The following CSMD1 variants were observed in gnomAD, a reference collection of about 807,000 sequenced individuals.
The protein encoded by CSMD1 is CUB and Sushi multiple domains 1.
A neutral mutation model predicts 417.5 loss-of-function variants in CSMD1; 213 were observed. The ratio of observed to expected loss-of-function variants is 0.51; its 90% CI spans 0.46 to 0.57. The LOEUF is 0.57. Ranked by LOEUF, CSMD1 falls within the 20% of genes least tolerant of loss-of-function variation. The pLI is 0.00. For missense variants in CSMD1, 6,923 were observed against 4,529.7 expected (o/e 1.53, Z -15.17); for synonymous variants, 2,862 against 1,736.8 (o/e 1.65, Z -16.11).
intron 3 of CSMD1, among the ~76,000 whole-genome samples, chr8:4,133,297 T>A (rs897289502): frequency 6.6e-6 from 1 of 152,224 alleles, no homozygotes; most frequent in Non-Finnish European, 1.5e-5. Flanking sequence ...CTTAAAAGTC[T>A]AAGTTTATAC....
intron 3 of CSMD1, among the ~76,000 whole-genome samples, chr8:4,153,738 G>T (rs1301158045): frequency 6.6e-6 from 1 of 152,212 alleles, no homozygotes; most frequent in Non-Finnish European, 1.5e-5. Flanking sequence ...AGTGGGCACG[G>T]TTTCAGTGTG....
At chr8:3,872,543 C>G (rs935253597) in intron 5 of CSMD1, among the ~76,000 whole-genome samples, 4 of 152,194 alleles carry the variant, frequency 2.6e-5, no homozygotes, top group Admixed American at 2.0e-4. Flanking sequence ...AAAGGCTGAT[C>G]TCAAGAACTG....
intron 8 of CSMD1, among the ~76,000 whole-genome samples, chr8:3,611,483 C>T (rs751330597): frequency 6.6e-6 from 1 of 152,030 alleles, no homozygotes; most frequent in Non-Finnish European, 1.5e-5. Context: ...ATTGGAGTAT[C>T]TCTCACTTAT....
At chr8:3,365,833 G>A (rs1462773394) in intron 20 of CSMD1, among the ~76,000 whole-genome samples, 1 of 152,166 alleles carries the variant, frequency 6.6e-6, no homozygotes, top group Non-Finnish European at 1.5e-5. Context: ...CAAGGATTAG[G>A]GGTGTCGATC....
chr8:4,165,175 C>T (rs533395706), intron 3 of CSMD1, among the ~76,000 whole-genome samples: 1 of 152,090 alleles, frequency 6.6e-6, no homozygotes, highest in Non-Finnish European at 1.5e-5. Flanking sequence ...GATACCTACG[C>T]CTAGCCAGTA....
intron 7 of CSMD1, among the ~76,000 whole-genome samples, chr8:3,665,310 G>C (rs1798629414): frequency 6.6e-6 from 1 of 152,072 alleles, no homozygotes; most frequent in Non-Finnish European, 1.5e-5. Flanking sequence ...TGGGCGGATG[G>C]CCTGAGGTCA....
intron 57 of CSMD1, among the ~76,000 whole-genome samples, chr8:2,972,089 T>C (rs770840265): frequency 2.0e-5 from 3 of 152,058 alleles, no homozygotes; most frequent in Non-Finnish European, 4.4e-5. Flanking sequence ...CATTCCTATA[T>C]TAATATTTAG....
chr8:3,581,243 T>C (rs1800370449), intron 9 of CSMD1, among the ~76,000 whole-genome samples: 2 of 152,216 alleles, frequency 1.3e-5, no homozygotes, highest in South Asian at 4.1e-4. Flanking sequence ...AAAAATCTAC[T>C]GCCAGTTAAA....
chr8:3,930,671 C>G (rs1247444658), intron 5 of CSMD1, among the ~76,000 whole-genome samples: 1 of 150,108 alleles, frequency 6.7e-6, no homozygotes, highest in African/African-American at 2.5e-5. Context: ...ACTGTCATGG[C>G]AAAACTGCTG....
chr8:3,848,013 T>C (rs1284188569), intron 5 of CSMD1, among the ~76,000 whole-genome samples: 2 of 151,980 alleles, frequency 1.3e-5, no homozygotes, highest in Non-Finnish European at 2.9e-5. Context: ...GATGGGGCAC[T>C]TCTTTCCTGA....
intron 5 of CSMD1, among the ~76,000 whole-genome samples, chr8:3,766,185 G>C (rs11774173): frequency 0.2 from 30,764 of 152,180 alleles, 3,502 homozygotes; most frequent in South Asian, 0.28. Context: ...CCACGGAAGG[G>C]ACAGAGGAAT....
At chr8:3,738,100 T>C (rs904606045) in intron 6 of CSMD1, among the ~76,000 whole-genome samples, 5 of 152,226 alleles carry the variant, frequency 3.3e-5, no homozygotes, top group Admixed American at 2.6e-4. Flanking sequence ...ATTAGCACTG[T>C]GTGGGCTCTA....
At chr8:3,173,533 A>T (rs1820714475) in intron 37 of CSMD1, among the ~76,000 whole-genome samples, 1 of 152,206 alleles carries the variant, frequency 6.6e-6, no homozygotes, top group Non-Finnish European at 1.5e-5. Context: ...GAATATGTGG[A>T]AAAAGATCTT....
At chr8:3,980,116 T>C (rs556860786) in intron 5 of CSMD1, among the ~76,000 whole-genome samples, 1 of 134,164 alleles carries the variant, frequency 7.5e-6, no homozygotes, top group Non-Finnish European at 1.6e-5. Context: ...TTCTAGAAAA[T>C]AGGTTTTATC....
chr8:3,880,366 A>G (rs1294485236), intron 5 of CSMD1, among the ~76,000 whole-genome samples: 1 of 152,210 alleles, frequency 6.6e-6, no homozygotes, highest in East Asian at 1.9e-4. Flanking sequence ...ACAGTAAACA[A>G]TATGCCAAAT....
At chr8:3,009,623 C>T (rs1009184856) in intron 52 of CSMD1, among the ~76,000 whole-genome samples, 1 of 152,180 alleles carries the variant, frequency 6.6e-6, no homozygotes, top group Admixed American at 6.5e-5. Context: ...TAAAGAAACA[C>T]ATTTGAATAT....
chr8:4,038,525 T>C (rs1797731699), intron 3 of CSMD1, among the ~76,000 whole-genome samples: 1 of 152,222 alleles, frequency 6.6e-6, no homozygotes, highest in African/African-American at 2.4e-5. Flanking sequence ...GCCAATTTCA[T>C]TTTAACTGAA....
chr8:3,816,200 C>G (rs901790243), intron 5 of CSMD1, among the ~76,000 whole-genome samples: 1 of 152,132 alleles, frequency 6.6e-6, no homozygotes, highest in African/African-American at 2.4e-5. Flanking sequence ...CTGGGAGAAT[C>G]ACGACTTTTC....
chr8:3,013,143 A>G (rs2128964473), intron 52 of CSMD1, among the ~76,000 whole-genome samples: 1 of 152,352 alleles, frequency 6.6e-6, no homozygotes, highest in Admixed American at 6.5e-5. Context: ...GCGTGAGAAC[A>G]GAAAAATACA....
Sources: allele counts gnomAD v4.1 joint callset (sites outside exome capture counted in the v4.1 genomes callset), GRCh38; gene constraint gnomAD v4.1.1; transcripts MANE v1.5; gene names NCBI Gene and HGNC (gene_info 2026-07-23, HGNC 2026-07-21).